Variants in EXO1 observed in about 807,000 individuals in gnomAD.
EXO1 encodes exonuclease 1.
A neutral mutation model predicts 84.5 loss-of-function variants in EXO1; 69 were observed. That is an observed-to-expected ratio of 0.82 (90% CI 0.67 to 1.00). The LOEUF (loss-of-function observed/expected upper bound fraction) is 1.00. Ranked by LOEUF, EXO1 falls within the 50% of genes least tolerant of loss-of-function variation. The probability of loss-of-function intolerance (pLI) is 0.00; values close to 1 mark genes in which losing one functional copy is unlikely to be tolerated. For missense variants in EXO1, 1,045 were observed against 1,000.7 expected (o/e 1.04, Z -0.60); for synonymous variants, 373 against 366.1 (o/e 1.02, Z -0.21).
At chr1:241,850,259 G>A (rs1389330300) in intron 3 of EXO1, 150 bp from the exon 4 acceptor site, 9 of 581,786 alleles carry the variant, frequency 1.5e-5, no homozygotes, top group Non-Finnish European at 2.7e-5. Context: ...CCTCCTGGGC[G>A]AAAGAGCGAG....
intron 10 of EXO1, among the ~76,000 whole-genome samples, chr1:241,864,233 C>T (rs1014368423): frequency 6.6e-6 from 1 of 152,084 alleles, no homozygotes; most frequent in Non-Finnish European, 1.5e-5. Flanking sequence ...TGTGAATTCT[C>T]CAATGTTGGA....
rs377492424 is a variant in EXO1 at position 241,872,287 on chromosome 1, A to G, written c.1514+9A>G. Reference sequence around the variant, plus strand: ...CCAGGGACCAGAAGCAGGTATAGTTATGTCTCCAGAATGTTGATTGTCTGT... The same window carrying G: ...CCAGGGACCAGAAGCAGGTATAGTTGTGTCTCCAGAATGTTGATTGTCTGT... On this transcript the variant is annotated intron_variant, in intron 12 of 15. Coordinates refer to ENST00000366548, the MANE Select transcript of EXO1 (RefSeq NM_130398.4). The G allele has an allele frequency of 1.2e-6, 2 of 1,613,260 alleles. No homozygotes were observed. The highest frequency in any genetic ancestry group is 1.7e-6 in the Non-Finnish European group (2 of 1,179,434).
At chr1:241,867,084 G>A in intron 11 of EXO1, 29 bp downstream of exon 11, 2 of 1,453,352 alleles carry the variant, frequency 1.4e-6, no homozygotes, top group Non-Finnish European at 1.9e-6. Context: ...CAAAATGCTG[G>A]TGAATATTGG....
intron 6 of EXO1, among the ~76,000 whole-genome samples, chr1:241,856,206 T>C (rs1242989405): frequency 2.0e-5 from 3 of 151,928 alleles, no homozygotes; most frequent in African/African-American, 7.2e-5. Context: ...AGCAAATTGT[T>C]ACCAAAATTG....
At position 241,853,496 on chromosome 1, in the gene EXO1, C is replaced by T. The variant is rs748149063; in HGVS notation, c.405+15C>T. On this transcript the variant is annotated intron_variant, in intron 6 of 15. Coordinates refer to ENST00000366548, the MANE Select transcript of EXO1 (RefSeq NM_130398.4). Reference sequence around the variant, plus strand: ...AAGTAATTAAAGTAAGACAAAGGGGCAGATGGGCAAGTTCACCAAAGCTAG... The same window carrying T: ...AAGTAATTAAAGTAAGACAAAGGGGTAGATGGGCAAGTTCACCAAAGCTAG... 1.9e-6 allele frequency: 3 copies of T among 1,613,470 alleles called. No homozygotes were observed. In the Admixed American group the frequency reaches 5.0e-5, roughly 27 times the overall value.
At chr1:241,854,871 C>G (rs1220619900) in intron 6 of EXO1, 1 of 154,486 alleles carries the variant, frequency 6.5e-6, no homozygotes, top group Non-Finnish European at 1.4e-5. Context: ...CTGGTGGGTT[C>G]ATGGTCTCGC....
chr1:241,873,308 C>T (rs2148486456), intron 12 of EXO1, among the ~76,000 whole-genome samples: 1 of 152,270 alleles, frequency 6.6e-6, no homozygotes, highest in South Asian at 2.1e-4. Flanking sequence ...TAGAGGGAAG[C>T]AGGTGTAGAA....
At chr1:241,864,093 G>A (rs1661563147) in intron 10 of EXO1, among the ~76,000 whole-genome samples, 1 of 152,118 alleles carries the variant, frequency 6.6e-6, no homozygotes, top group Admixed American at 6.5e-5. Context: ...CCCTCATGGT[G>A]GTAACTTCTG....
At chr1:241,871,340 A>G (rs1662080132) in intron 11 of EXO1, among the ~76,000 whole-genome samples, 1 of 152,226 alleles carries the variant, frequency 6.6e-6, no homozygotes, top group Non-Finnish European at 1.5e-5. Context: ...AGTAGTGTGC[A>G]CTTACACCTC....
At chr1:241,879,415 G>A in intron 13 of EXO1, 72 bp downstream of exon 13, 1 of 912,700 alleles carries the variant, frequency 1.1e-6, no homozygotes, top group Non-Finnish European at 1.7e-6. Context: ...TCAAACTGAG[G>A]AAATTTTTCC....
intron 15 of EXO1, among the ~76,000 whole-genome samples, chr1:241,887,825 G>A (rs4150011): frequency 1.3e-5 from 2 of 152,104 alleles, no homozygotes; most frequent in Admixed American, 1.3e-4. Context: ...TTTTTGTAGA[G>A]ATCGGGTTTC....
At position 241,852,400 on chromosome 1, in the gene EXO1, A is replaced by T; in HGVS notation, c.270A>T (p.Arg90Ser). The change falls in exon 5 of 16, where the codon AGA becomes AGT. Residue 90 changes from arginine (R) to serine (S), a missense_variant. Arg to Ser is a moderately radical substitution (Grantham distance 110, BLOSUM62 -1). Coordinates refer to ENST00000366548, the MANE Select transcript of EXO1 (RefSeq NM_130398.4). Reference protein sequence around the residue: ...CTLPSKKEVERSRRERRQANL... With the variant: ...CTLPSKKEVESSRRERRQANL... ...TACCTTCTAAAAAGGAAGTAGAGAG[A>T]TCTAGAAGAGAGTAAGTTAATTCTC... 1 of 1,597,604 alleles carries T rather than the reference A, an allele frequency of 6.3e-7. No homozygotes were observed. The highest frequency in any genetic ancestry group is 8.6e-7 in the Non-Finnish European group (1 of 1,165,860).
At chr1:241,882,058 G>A (rs892818739) in intron 14 of EXO1, 41 bp downstream of exon 14, 2 of 952,864 alleles carry the variant, frequency 2.1e-6, no homozygotes, top group Admixed American at 1.8e-5. Flanking sequence ...TTCAGAAGCG[G>A]TGTATGCTTA....
chr1:241,852,600 A>G (rs1367584278), intron 5 of EXO1, among the ~76,000 whole-genome samples, 189 bp downstream of exon 5: 1 of 152,144 alleles, frequency 6.6e-6, no homozygotes, highest in East Asian at 1.9e-4. Context: ...CCCTATGATC[A>G]TCGCTGTGAA....
intron 4 of EXO1, among the ~76,000 whole-genome samples, chr1:241,850,836 CTTTTTTTTTTTTT>C (rs10641736): frequency 1.9e-5 from 2 of 105,088 alleles, no homozygotes; most frequent in Non-Finnish European, 3.6e-5. Context: ...CTCCTTTATT[CTTTTTTTTTTTTT>C]TTTTTTTTTT....
At chr1:241,859,513 G>A (rs1661253124) in intron 8 of EXO1, among the ~76,000 whole-genome samples, 1 of 151,946 alleles carries the variant, frequency 6.6e-6, no homozygotes, top group East Asian at 1.9e-4. Flanking sequence ...CATAAATTGA[G>A]TTTTTTTTCT....
At chr1:241,875,739 G>A (rs1776143) in intron 12 of EXO1, among the ~76,000 whole-genome samples, 152,015 of 152,290 alleles carry the variant, frequency 1, 75,870 homozygotes, top group Middle Eastern at 1. Flanking sequence ...TTAGCCGGGC[G>A]TGGTGGCGGG....
chr1:241,862,671 G>A (rs4149935), intron 10 of EXO1, among the ~76,000 whole-genome samples: 6 of 152,184 alleles, frequency 3.9e-5, no homozygotes, highest in Non-Finnish European at 8.8e-5. Flanking sequence ...CCTCACTGCT[G>A]TATGATATTT....
chr1:241,876,155 C>G (rs1662390195), intron 12 of EXO1, among the ~76,000 whole-genome samples: 1 of 152,164 alleles, frequency 6.6e-6, no homozygotes, highest in Admixed American at 6.6e-5. Flanking sequence ...TCACTAGTAA[C>G]TTGTTCAGAG....
Sources: allele counts gnomAD v4.1 joint callset (sites outside exome capture counted in the v4.1 genomes callset), GRCh38; gene constraint gnomAD v4.1.1; transcripts MANE v1.5; gene names NCBI Gene and HGNC (gene_info 2026-07-23, HGNC 2026-07-21).